Variants in ZNF366 observed in about 807,000 individuals in gnomAD.
ZNF366 encodes the protein zinc finger protein 366.
In ZNF366, 20 loss-of-function variants were observed where a neutral mutation model predicts 47.2. The ratio of observed to expected loss-of-function variants is 0.42; its 90% CI spans 0.30 to 0.62. The LOEUF is 0.62. Ranked by LOEUF, ZNF366 falls within the 20% of genes least tolerant of loss-of-function variation. The probability of loss-of-function intolerance (pLI) is 0.16; values close to 1 mark genes in which losing one functional copy is unlikely to be tolerated. For synonymous variants in ZNF366, 421 were observed against 395.1 expected (o/e 1.07, Z -0.78); for missense variants, 987 against 976.3 (o/e 1.01, Z -0.15).
chr5:72,462,328 G>A (rs1743331819), intron 1 of ZNF366, among the ~76,000 whole-genome samples: 1 of 152,068 alleles, frequency 6.6e-6, no homozygotes, highest in Admixed American at 6.5e-5. Context: ...CCGCACATGG[G>A]TCTCTCCTTT....
chr5:72,451,928 A>G (rs2879092), intron 3 of ZNF366, among the ~76,000 whole-genome samples: 130,508 of 152,260 alleles, frequency 0.86, 56,105 homozygotes, highest in East Asian at 0.96. Context: ...CCTGGTCCAG[A>G]GCCTGGAGGC....
chr5:72,500,704 C>T (rs915475069), intron 1 of ZNF366, among the ~76,000 whole-genome samples: 2 of 152,320 alleles, frequency 1.3e-5, no homozygotes, highest in Non-Finnish European at 2.9e-5. Flanking sequence ...GTCCTACATT[C>T]CCTGATCAAT....
chr5:72,492,905 G>C (rs576489824), intron 1 of ZNF366, among the ~76,000 whole-genome samples: 2 of 152,162 alleles, frequency 1.3e-5, no homozygotes, highest in Admixed American at 1.3e-4. Context: ...AATTCTTCCC[G>C]CCTGATCCCT....
intron 1 of ZNF366, among the ~76,000 whole-genome samples, chr5:72,504,415 C>T (rs1345118712): frequency 6.6e-6 from 1 of 152,154 alleles, no homozygotes; most frequent in African/African-American, 2.4e-5. Context: ...ACTCTCTTTG[C>T]ACGTTCATCT....
chr5:72,502,389 T>G (rs1744226616), intron 1 of ZNF366, among the ~76,000 whole-genome samples: 1 of 152,216 alleles, frequency 6.6e-6, no homozygotes, highest in African/African-American at 2.4e-5. Flanking sequence ...CACATTAAAA[T>G]TATTTGCTGT....
intron 1 of ZNF366, among the ~76,000 whole-genome samples, chr5:72,491,454 C>T (rs1346518022): frequency 6.6e-6 from 1 of 152,154 alleles, no homozygotes; most frequent in African/African-American, 2.4e-5. Flanking sequence ...CACAGATACA[C>T]TGAGTGATTT....
intron 1 of ZNF366, among the ~76,000 whole-genome samples, chr5:72,489,975 T>C (rs912199676): frequency 1.3e-5 from 2 of 152,220 alleles, no homozygotes; most frequent in African/African-American, 4.8e-5. Flanking sequence ...TTCTAGCAGG[T>C]TATCTGTCTG....
chr5:72,463,862 A>G (rs937428304), intron 1 of ZNF366, among the ~76,000 whole-genome samples: 3 of 152,258 alleles, frequency 2.0e-5, no homozygotes, highest in Non-Finnish European at 4.4e-5. Context: ...TGTTGCATCT[A>G]TAAAAATAAT....
rs1168239197 is a variant in ZNF366 at position 72,460,572 on chromosome 5, G to T, written c.925C>A (p.His309Asn). 4 of 1,614,110 alleles carry T rather than the reference G, an allele frequency of 2.5e-6. No homozygotes were observed. The highest frequency in any genetic ancestry group is 3.3e-5 in the Admixed American group (2 of 60,038). ...GCCTTGTGGCACACCTGGCACTTGT[G>T]GGGCCGCGTGCCCTGGTGGGTCAGC... ...HMLTHQGTRP[H>N]KCQVCHKAFT... is the part of the protein sequence containing the mutation. The change falls in exon 2 of 5, where the codon CAC becomes AAC. Residue 309 changes from histidine (H) to asparagine (N), a missense_variant. His to Asn is a moderately conservative substitution (Grantham distance 68). Transcript: ENST00000318442.
intron 1 of ZNF366, among the ~76,000 whole-genome samples, chr5:72,483,379 G>A (rs975953739): frequency 1.3e-5 from 2 of 151,978 alleles, no homozygotes; most frequent in African/African-American, 4.8e-5. Context: ...GGCAACCCAG[G>A]GTAACAAGAG....
chr5:72,497,671 A>G (rs937363524), intron 1 of ZNF366, among the ~76,000 whole-genome samples: 4 of 152,138 alleles, frequency 2.6e-5, no homozygotes, highest in African/African-American at 9.7e-5. Flanking sequence ...TCAATGTTAC[A>G]TTTTGATAGA....
chr5:72,462,800 C>T lies in ZNF366; in HGVS notation c.-14-1290G>A, dbSNP rs536302249. 2.0e-5 allele frequency among the ~76,000 whole-genome samples: 3 copies of T among 152,280 alleles called. No homozygotes were observed. In the South Asian group the frequency reaches 6.2e-4, roughly 32 times the overall value. ...TCCCGATCTCAAGTGATCCACCCGC[C>T]TCGGCCTCCCACAGTTGTGGGATTA... is the stretch of plus-strand genomic sequence containing the variant. On this transcript the variant is annotated intron_variant, in intron 1 of 4. Coordinates refer to ENST00000318442, the MANE Select transcript of ZNF366 (RefSeq NM_152625.3).
chr5:72,459,302 C>T (rs1298176377), intron 2 of ZNF366, among the ~76,000 whole-genome samples: 3 of 152,138 alleles, frequency 2.0e-5, no homozygotes, highest in Admixed American at 6.5e-5. Context: ...GCCAAGAAAA[C>T]CACTTGAGGT....
intron 3 of ZNF366, among the ~76,000 whole-genome samples, chr5:72,453,247 T>C (rs938255417): frequency 6.6e-6 from 1 of 152,230 alleles, no homozygotes; most frequent in African/African-American, 2.4e-5. Flanking sequence ...TAGACTCTGT[T>C]ACTAAAAGCC....
At chr5:72,445,659 G>A (rs927349587) in intron 4 of ZNF366, among the ~76,000 whole-genome samples, 1 of 152,108 alleles carries the variant, frequency 6.6e-6, no homozygotes, top group Admixed American at 6.5e-5. Flanking sequence ...CAGCAGTGTG[G>A]GGTAAATCAT....
chr5:72,456,355 A>C (rs775199837), intron 3 of ZNF366, 49 bp downstream of exon 3: 1 of 1,542,288 alleles, frequency 6.5e-7, no homozygotes, highest in Non-Finnish European at 8.8e-7. Context: ...ACCCTTTCCC[A>C]TCAGGCATTT....
At chr5:72,459,204 A>T (rs1743252251) in intron 2 of ZNF366, among the ~76,000 whole-genome samples, 1 of 152,240 alleles carries the variant, frequency 6.6e-6, no homozygotes, top group African/African-American at 2.4e-5. Context: ...GCACAGCAGA[A>T]ACATTATCTT....
chr5:72,463,340 T>C (rs1045123100), intron 1 of ZNF366, among the ~76,000 whole-genome samples: 1 of 152,240 alleles, frequency 6.6e-6, no homozygotes, highest in Non-Finnish European at 1.5e-5. Context: ...GGAAAAAATA[T>C]GTGCCTTATT....
intron 3 of ZNF366, among the ~76,000 whole-genome samples, chr5:72,449,359 C>T (rs893336669): frequency 6.6e-6 from 1 of 151,702 alleles, no homozygotes; most frequent in Non-Finnish European, 1.5e-5. Context: ...GATTCTCGTG[C>T]CTCAGCCTGC....
Sources: gnomAD v4.1 joint callset for allele counts (sites outside exome capture counted in the v4.1 genomes callset) on GRCh38, gnomAD v4.1.1 for gene constraint, MANE v1.5 for transcripts, NCBI Gene and HGNC (gene_info 2026-07-23, HGNC 2026-07-21) for gene names.